The following MYO7A variants were observed in gnomAD, a reference collection of about 807,000 sequenced individuals.
MYO7A encodes the protein unconventional myosin-VIIa.
Under a neutral mutation model 263.8 loss-of-function variants are expected in MYO7A, and 210 were observed. The observed-to-expected ratio is 0.80, with a 90% CI of 0.71 to 0.89. MYO7A has a LOEUF of 0.89. Ranked by LOEUF, MYO7A falls within the 40% of genes least tolerant of loss-of-function variation. The pLI is 0.00. For synonymous variants in MYO7A, 1,239 were observed against 1,197.3 expected (o/e 1.03, Z -0.72); for missense variants, 2,820 against 2,968.3 (o/e 0.95, Z 1.16).
chr11:77,163,321 T>C (rs902899594), intron 14 of MYO7A, among the ~76,000 whole-genome samples: 8 of 152,176 alleles, frequency 5.3e-5, no homozygotes, highest in African/African-American at 1.9e-4. Context: ...TTGACTATTC[T>C]AGGTACCTCA....
intron 30 of MYO7A, 43 bp downstream of exon 30, chr11:77,190,913 C>A: frequency 1.3e-6 from 2 of 1,508,946 alleles, no homozygotes; most frequent in Non-Finnish European, 1.8e-6. Context: ...GCACCTCCTC[C>A]CGGCCCCACT....
chr11:77,179,057 G>A lies in MYO7A; in HGVS notation c.2295G>A (p.Leu765=). The A allele has an allele frequency of 6.2e-7, 1 of 1,607,086 alleles. No individual in the cohort carries two copies. The highest frequency in any genetic ancestry group is 8.5e-7 in the Non-Finnish European group (1 of 1,177,364). The change falls in exon 20 of 49, where the codon CTG becomes CTA. Residue 765 remains leucine (L), a synonymous_variant. Coordinates refer to ENST00000409709, the MANE Select transcript of MYO7A (RefSeq NM_000260.4). ...IRGFKDRSNF[L]KLKNAATLIQ... The stretch of plus-strand genomic sequence containing the variant: ...ACTGCTGTTTCAGGTCTAACTTTCT[G>A]AAGCTGAAGAACGCTGCCACACTGA...
At chr11:77,132,807 A>C (rs1390562826) in intron 2 of MYO7A, among the ~76,000 whole-genome samples, 3 of 152,282 alleles carry the variant, frequency 2.0e-5, no homozygotes, top group South Asian at 4.1e-4. Flanking sequence ...TTTAATCTGC[A>C]TTTTGCATAT....
chr11:77,164,892 G>A (rs781784463), intron 14 of MYO7A, among the ~76,000 whole-genome samples: 2 of 152,174 alleles, frequency 1.3e-5, no homozygotes, highest in Non-Finnish European at 2.9e-5. Flanking sequence ...TGTTAAACAA[G>A]ACTAAATGAC....
intron 4 of MYO7A, 108 bp downstream of exon 4, chr11:77,148,058 GCCTCCT>G: frequency 3.8e-6 from 4 of 1,040,836 alleles, no homozygotes; most frequent in Non-Finnish European, 5.3e-6. Flanking sequence ...CCGGGGCCCT[GCCTCCT>G]GAGACTTTGT....
At chr11:77,181,739 T>A in intron 23 of MYO7A, 150 bp downstream of exon 23, 1 of 821,862 alleles carries the variant, frequency 1.2e-6, no homozygotes, top group Non-Finnish European at 1.8e-6. Flanking sequence ...AGGTCCCAGG[T>A]CCTGTCCCTC....
rs1188616455 is a variant in MYO7A at position 77,156,767 on chromosome 11, C to A, written c.578C>A (p.Thr193Asn). 1.2e-6 allele frequency: 2 copies of A among 1,613,884 alleles called. No individual in the cohort carries two copies. The highest frequency in any genetic ancestry group is 1.7e-6 in the Non-Finnish European group (2 of 1,179,894). Reference sequence around the variant, plus strand: ...ATTGAGCAGCAGGTCTTGGAGGCCACCCCCATTCTGGAAGGTAGGACCAGA... The same window carrying A: ...ATTGAGCAGCAGGTCTTGGAGGCCAACCCCATTCTGGAAGGTAGGACCAGA... The part of the protein sequence containing the change: ...SWIEQQVLEA[T>N]PILEAFGNAK... The change falls in exon 6 of 49, where the codon ACC (threonine) becomes AAC (asparagine). Residue 193 changes from threonine to asparagine, a missense_variant. Thr to Asn is a moderately conservative substitution (Grantham distance 65). Transcript: ENST00000409709.
At chr11:77,211,789 T>C in intron 45 of MYO7A, 32 bp from the exon 46 acceptor site, 1 of 1,578,710 alleles carries the variant, frequency 6.3e-7, no homozygotes, top group Non-Finnish European at 8.7e-7. Flanking sequence ...TCCCCAGGAC[T>C]GAGCCCAGCC....
chr11:77,177,803 A>G (rs1208869631), intron 19 of MYO7A, among the ~76,000 whole-genome samples, 160 bp downstream of exon 19: 1 of 152,126 alleles, frequency 6.6e-6, no homozygotes, highest in Non-Finnish European at 1.5e-5. Context: ...GATCATGTAA[A>G]CACAGAGGAA....
chr11:77,149,958 A>T (rs76548896), intron 4 of MYO7A, among the ~76,000 whole-genome samples: 10,156 of 152,158 alleles, frequency 0.067, 494 homozygotes, highest in East Asian at 0.23. Context: ...AGTTCTTGGC[A>T]GCCCCCTCTT....
At chr11:77,157,739 T>G (rs1952632003) in intron 8 of MYO7A, among the ~76,000 whole-genome samples, 1 of 152,328 alleles carries the variant, frequency 6.6e-6, no homozygotes, top group South Asian at 2.1e-4. Flanking sequence ...TGTGTGCATG[T>G]GTGTGTTGTA....
intron 27 of MYO7A, among the ~76,000 whole-genome samples, chr11:77,185,471 C>T (rs1464323996): frequency 6.6e-6 from 1 of 152,212 alleles, no homozygotes; most frequent in Non-Finnish European, 1.5e-5. Flanking sequence ...TTCTTTGCTC[C>T]TCCATAAGAG....
intron 30 of MYO7A, among the ~76,000 whole-genome samples, chr11:77,191,667 A>AC (rs1194940399): frequency 6.6e-6 from 1 of 151,956 alleles, no homozygotes; most frequent in Non-Finnish European, 1.5e-5. Context: ...TTTTGCCTCC[A>AC]CCCCCAGCAA....
At chr11:77,163,629 G>T (rs782777114) in intron 14 of MYO7A, among the ~76,000 whole-genome samples, 3 of 152,156 alleles carry the variant, frequency 2.0e-5, no homozygotes, top group African/African-American at 2.4e-5. Context: ...CACCACTATT[G>T]TATCTGCAGT....
chr11:77,203,085 C>T lies in MYO7A; in HGVS notation c.5194C>T (p.Arg1732Cys), dbSNP rs1001997233. The change falls in exon 38 of 49, where the codon CGT becomes TGT. Residue 1732 changes from arginine to cysteine, a missense_variant. Coordinates refer to ENST00000409709, the MANE Select transcript of MYO7A (RefSeq NM_000260.4). ...GCCCCCACCCAAGCACACGCTGAGC[C>T]GTGTCATGGTGTCCAAGGCCCGAGG... ...FRPPPKHTLS[R>C]VMVSKARGKD... 9.0e-6 allele frequency: 14 copies of T among 1,548,394 alleles called. No individual in the cohort carries two copies. The highest frequency in any genetic ancestry group is 2.4e-5 in the East Asian group (1 of 40,936).
Position 77,142,692 on chromosome 11 carries a change from C to G in MYO7A, c.19-17C>G. ...CCCTCCCTGCTCACCTGGGCTGAGA[C>G]TCTCTCTCGCCCATAGGGGGACCAT... On this transcript the variant is annotated splice_polypyrimidine_tract_variant and intron_variant, in intron 2 of 48. Coordinates refer to ENST00000409709, the MANE Select transcript of MYO7A (RefSeq NM_000260.4). 2 of 1,592,282 alleles carry G rather than the reference C, an allele frequency of 1.3e-6. No individual in the cohort carries two copies. The highest frequency in any genetic ancestry group is 1.7e-6 in the Non-Finnish European group (2 of 1,167,042).
intron 34 of MYO7A, 69 bp from the exon 35 acceptor site, chr11:77,199,466 T>G (rs1031774633): frequency 7.1e-7 from 1 of 1,411,824 alleles, no homozygotes; most frequent in Admixed American, 2.8e-5. Flanking sequence ...GCCTGAGATG[T>G]GTCTGAGCTG....
intron 4 of MYO7A, among the ~76,000 whole-genome samples, chr11:77,154,129 A>G (rs547959910): frequency 3.6e-4 from 55 of 152,344 alleles, no homozygotes; most frequent in African/African-American, 1.3e-3. Flanking sequence ...AGAGAAAGGA[A>G]GGTGGCGTTT....
Position 77,155,993 on chromosome 11 carries a change from C to T in MYO7A, c.372C>T (p.Asn124=), listed in dbSNP as rs781892272. Reference sequence around the variant, plus strand: ...CAGAGCACATCCGCCAGTATACCAACAAGAAGATTGGGGAGATGCCCCCCC... The same window carrying T: ...CAGAGCACATCCGCCAGTATACCAATAAGAAGATTGGGGAGATGCCCCCCC... ...YSPEHIRQYT[N]KKIGEMPPHI... Residue 124 remains asparagine, a synonymous_variant, in exon 5 of 49, where the codon AAC becomes AAT. Coordinates refer to ENST00000409709, the MANE Select transcript of MYO7A (RefSeq NM_000260.4). 1 of 1,613,820 alleles carries T rather than the reference C, an allele frequency of 6.2e-7. No homozygotes were observed. The highest frequency in any genetic ancestry group is 2.2e-5 in the East Asian group (1 of 44,892).
Sources: allele counts gnomAD v4.1 joint callset (sites outside exome capture counted in the v4.1 genomes callset), GRCh38; gene constraint gnomAD v4.1.1; transcripts MANE v1.5; gene names NCBI Gene and HGNC (gene_info 2026-07-23, HGNC 2026-07-21).